The following SLMAP variants were observed in gnomAD, a reference collection of about 807,000 sequenced individuals.
The protein encoded by SLMAP is sarcolemma associated protein.
SLMAP carries 44 observed loss-of-function variants against 128.8 expected under a neutral mutation model. The ratio of observed to expected loss-of-function variants is 0.34; its 90% confidence interval spans 0.27 to 0.44. The LOEUF (loss-of-function observed/expected upper bound fraction) is 0.44, where lower values mean the gene tolerates loss of function less well. SLMAP is among the 20% of genes least tolerant of loss of function. The pLI is 1.00. For synonymous variants in SLMAP, 327 were observed against 348.8 expected, an observed-to-expected ratio of 0.94 and a Z score of 0.70; for missense variants, 787 against 985.3, an observed-to-expected ratio of 0.80 and a Z score of 2.69.
chr3:57,820,228 A>G (rs552277308), intron 2 of SLMAP, among the ~76,000 whole-genome samples: 6 of 152,178 alleles, frequency 3.9e-5, no homozygotes, highest in Non-Finnish European at 7.3e-5. Flanking sequence ...AAAATACATG[A>G]CATTTGGGTA....
intron 2 of SLMAP, among the ~76,000 whole-genome samples, chr3:57,820,376 C>T (rs1314047809): frequency 6.6e-6 from 1 of 152,040 alleles, no homozygotes; most frequent in Non-Finnish European, 1.5e-5. Context: ...GCCTCAAAGA[C>T]AAACAGCTGC....
intron 22 of SLMAP, 151 bp from the exon 23 acceptor site, chr3:57,922,738 T>C: frequency 1.4e-6 from 1 of 698,848 alleles, no homozygotes; most frequent in South Asian, 2.0e-5. Flanking sequence ...AAAGACTTCT[T>C]ATGAGTGCAA....
intron 2 of SLMAP, among the ~76,000 whole-genome samples, chr3:57,779,416 G>A (rs1414310582): frequency 6.6e-6 from 1 of 151,572 alleles, no homozygotes; most frequent in Admixed American, 6.6e-5. Context: ...GGCTGAGGTG[G>A]GAGGATTGCT....
At chr3:57,772,332 A>G (rs1040599239) in intron 2 of SLMAP, among the ~76,000 whole-genome samples, 2 of 152,258 alleles carry the variant, frequency 1.3e-5, no homozygotes, top group African/African-American at 4.8e-5. Context: ...TATATGCCAC[A>G]GACATTGTTG....
chr3:57,866,630 G>T (rs1440005674), intron 13 of SLMAP, among the ~76,000 whole-genome samples: 1 of 152,128 alleles, frequency 6.6e-6, no homozygotes, highest in Non-Finnish European at 1.5e-5. Context: ...ATTTTTAAAG[G>T]TGTAGTTTAT....
intron 6 of SLMAP, among the ~76,000 whole-genome samples, chr3:57,852,748 A>G (rs6762298): frequency 0.16 from 24,006 of 152,240 alleles, 2,445 homozygotes; most frequent in East Asian, 0.43. Flanking sequence ...TTGCCCAGGC[A>G]TGTATACTAC....
chr3:57,872,910 T>A (rs943856940), intron 14 of SLMAP, among the ~76,000 whole-genome samples: 1 of 152,210 alleles, frequency 6.6e-6, no homozygotes, highest in African/African-American at 2.4e-5. Context: ...TTCCCAAGTT[T>A]TTATGCTCAT....
intron 23 of SLMAP, 72 bp downstream of exon 23, chr3:57,923,095 CT>C: frequency 7.2e-7 from 1 of 1,393,114 alleles, no homozygotes; most frequent in Non-Finnish European, 1.0e-6. Flanking sequence ...TTTCAGAGGA[CT>C]TTATCACTGA....
intron 2 of SLMAP, among the ~76,000 whole-genome samples, chr3:57,784,192 A>G (rs2083612776): frequency 6.6e-6 from 1 of 152,178 alleles, no homozygotes; most frequent in Non-Finnish European, 1.5e-5. Flanking sequence ...CCAAGACCAC[A>G]GAACTATAGG....
intron 2 of SLMAP, among the ~76,000 whole-genome samples, chr3:57,816,331 A>G (rs755088711): frequency 1.1e-4 from 17 of 151,806 alleles, no homozygotes; most frequent in Non-Finnish European, 2.4e-4. Context: ...TTTAGTAGAG[A>G]TGGGGTTTCT....
chr3:57,796,734 A>G (rs1247030284), intron 2 of SLMAP, among the ~76,000 whole-genome samples: 2 of 152,272 alleles, frequency 1.3e-5, no homozygotes, highest in East Asian at 3.8e-4. Context: ...TTAACCACAT[A>G]TAGTCAGTAG....
chr3:57,912,753 C>T, intron 20 of SLMAP, 52 bp downstream of exon 20: 1 of 1,370,860 alleles, frequency 7.3e-7, no homozygotes, highest in South Asian at 1.4e-5. Flanking sequence ...ATGATAACTT[C>T]TTAACTTGTT....
intron 5 of SLMAP, among the ~76,000 whole-genome samples, chr3:57,848,614 TTC>T (rs2094381949): frequency 1.3e-5 from 2 of 149,434 alleles, no homozygotes; most frequent in African/African-American, 4.9e-5. Context: ...CCTCCCCCTC[TTC>T]TTTTTCTTCT....
intron 2 of SLMAP, among the ~76,000 whole-genome samples, chr3:57,790,722 A>G (rs1377387392): frequency 1.3e-5 from 2 of 152,218 alleles, no homozygotes; most frequent in Non-Finnish European, 1.5e-5. Context: ...TCCTGAATTT[A>G]TACCATATAA....
chr3:57,814,125 C>T lies in SLMAP; in HGVS notation c.199-17258C>T, dbSNP rs149049589. On this transcript the variant is annotated intron_variant, in intron 2 of 24. Coordinates refer to ENST00000671191, the MANE Select transcript of SLMAP (RefSeq NM_001377540.1). ...TTTTTTCTATTTTATTTTTTCTCCCCGCAATACTTTCCAAGTCATGAGCCC... is the reference window on the plus strand; with the variant it reads ...TTTTTTCTATTTTATTTTTTCTCCCTGCAATACTTTCCAAGTCATGAGCCC... Among the ~76,000 whole-genome samples the T allele has an allele frequency of 4.1e-3, 621 of 151,218 alleles. 5 individuals carry two copies. The highest frequency in any genetic ancestry group is 0.014 in the African/African-American group (597 of 41,174).
intron 2 of SLMAP, among the ~76,000 whole-genome samples, chr3:57,809,389 C>T (rs1186254652): frequency 1.3e-5 from 2 of 152,204 alleles, no homozygotes; most frequent in Non-Finnish European, 1.5e-5. Context: ...GGTGTGCACA[C>T]GCTCAGGGCA....
At chr3:57,829,911 C>T (rs2093216303) in intron 2 of SLMAP, among the ~76,000 whole-genome samples, 1 of 152,174 alleles carries the variant, frequency 6.6e-6, no homozygotes, top group Non-Finnish European at 1.5e-5. Context: ...AAAAATGGCC[C>T]TTTTAATTTT....
intron 6 of SLMAP, among the ~76,000 whole-genome samples, chr3:57,856,046 A>G (rs541910637): frequency 6.6e-6 from 1 of 151,622 alleles, no homozygotes; most frequent in East Asian, 1.9e-4. Context: ...TCGTCTCAGA[A>G]AAAGAAAAAA....
intron 2 of SLMAP, among the ~76,000 whole-genome samples, chr3:57,788,878 TGTGAC>T: frequency 2.3e-5 from 3 of 131,822 alleles, no homozygotes; most frequent in Non-Finnish European, 4.8e-5. Context: ...TGACAGGGAG[TGTGAC>T]AGTTCTGTAC....
Sources: allele counts gnomAD v4.1 joint callset (sites outside exome capture counted in the v4.1 genomes callset), GRCh38; gene constraint gnomAD v4.1.1; transcripts MANE v1.5; gene names NCBI Gene and HGNC (gene_info 2026-07-23, HGNC 2026-07-21).